The following VPS13B variants were observed in gnomAD, a reference collection of about 807,000 sequenced individuals.
VPS13B encodes intermembrane lipid transfer protein VPS13B.
Under a neutral mutation model 426.4 loss-of-function variants are expected in VPS13B, and 285 were observed. The ratio of observed to expected loss-of-function variants is 0.67; its 90% CI spans 0.61 to 0.74. The LOEUF (loss-of-function observed/expected upper bound fraction) is 0.74, where lower values mean the gene tolerates loss of function less well. VPS13B is among the 30% of genes least tolerant of loss of function. The pLI is 0.00. For synonymous variants in VPS13B, 1,676 were observed against 1,676.4 expected, an observed-to-expected ratio of 1.00 and a Z score of 0.01; for missense variants, 4,537 against 4,782.6, an observed-to-expected ratio of 0.95 and a Z score of 1.51.
chr8:99,797,798 TTTG>T (rs912209578), intron 43 of VPS13B, among the ~76,000 whole-genome samples: 6 of 152,318 alleles, frequency 3.9e-5, no homozygotes, highest in African/African-American at 1.4e-4. Context: ...TATGAAAATT[TTTG>T]TTGTTTATCA....
chr8:99,790,907 G>A (rs1812506728), intron 43 of VPS13B, among the ~76,000 whole-genome samples: 1 of 152,100 alleles, frequency 6.6e-6, no homozygotes, highest in Non-Finnish European at 1.5e-5. Context: ...AGCTGCAAGA[G>A]GGGGAAGTAG....
chr8:99,318,377 T>G, intron 19 of VPS13B, among the ~76,000 whole-genome samples: 1 of 151,882 alleles, frequency 6.6e-6, no homozygotes, highest in African/African-American at 2.4e-5. Context: ...AGCCTCTTTA[T>G]GGTACTTCCA....
chr8:99,121,222 A>T lies in VPS13B; in HGVS notation c.983A>T (p.His328Leu), dbSNP rs181625846. ...ATAGATATGCAATATCCTGCTCAGC[A>T]TAAAGGTCAAGAGTTATATTCACAG... ...TRIDMQYPAQ[H>L]KGQELYSQQD... The change falls in exon 8 of 62, where the codon CAT becomes CTT. Residue 328 changes from histidine (H) to leucine (L), a missense_variant. His to Leu is a moderately conservative substitution (Grantham distance 99). Coordinates refer to ENST00000357162, the MANE Select transcript of VPS13B (RefSeq NM_152564.5). The T allele has an allele frequency of 1.2e-6, 2 of 1,613,962 alleles. 1 individual carries two copies.
intron 19 of VPS13B, among the ~76,000 whole-genome samples, chr8:99,352,850 T>G (rs950918804): frequency 6.6e-6 from 1 of 151,378 alleles, no homozygotes; most frequent in Non-Finnish European, 1.5e-5. Flanking sequence ...AAACAAACAG[T>G]TTTTTTTGGA....
At chr8:99,840,617 C>A (rs992579462) in intron 54 of VPS13B, among the ~76,000 whole-genome samples, 2 of 152,146 alleles carry the variant, frequency 1.3e-5, no homozygotes, top group African/African-American at 4.8e-5. Flanking sequence ...GCCCATGTTT[C>A]TTAAATAAGA....
chr8:99,408,238 C>G (rs966587552), intron 21 of VPS13B, among the ~76,000 whole-genome samples: 7 of 152,030 alleles, frequency 4.6e-5, no homozygotes, highest in Non-Finnish European at 4.4e-5. Flanking sequence ...AATCTTGATG[C>G]TGTATTGAGA....
intron 33 of VPS13B, among the ~76,000 whole-genome samples, chr8:99,590,727 A>C (rs899056576): frequency 2.0e-5 from 3 of 152,084 alleles, no homozygotes; most frequent in Non-Finnish European, 4.4e-5. Flanking sequence ...CTGTTCTTTT[A>C]CATTTGCTGA....
intron 19 of VPS13B, chr8:99,348,028 G>A (rs1811638978): frequency 6.6e-6 from 1 of 152,236 alleles, no homozygotes; most frequent in African/African-American, 2.4e-5. Context: ...TGGCCATACG[G>A]TCCATAGTAT....
intron 23 of VPS13B, among the ~76,000 whole-genome samples, chr8:99,456,768 G>A (rs1026959554): frequency 1.3e-5 from 2 of 152,064 alleles, no homozygotes; most frequent in African/African-American, 4.8e-5. Flanking sequence ...TTCTTGTAGT[G>A]ACTTTGTCTG....
chr8:99,643,927 A>G (rs1271002856), intron 34 of VPS13B, among the ~76,000 whole-genome samples: 1 of 152,224 alleles, frequency 6.6e-6, no homozygotes, highest in South Asian at 2.1e-4. Context: ...ACTCATGCCT[A>G]TATACCTGAT....
At chr8:99,640,019 T>G (rs61134653) in intron 33 of VPS13B, among the ~76,000 whole-genome samples, 24,555 of 77,584 alleles carry the variant, frequency 0.32, 3,351 homozygotes, top group African/African-American at 0.36. Flanking sequence ...ATAATAATAA[T>G]AATAATAAGA....
At chr8:99,487,442 G>A (rs1000708677) in intron 25 of VPS13B, among the ~76,000 whole-genome samples, 1 of 151,094 alleles carries the variant, frequency 6.6e-6, no homozygotes, top group African/African-American at 2.4e-5. Context: ...TTTAAATTGT[G>A]GTAAAAAAAT....
At chr8:99,415,897 G>C (rs1162519585) in intron 21 of VPS13B, among the ~76,000 whole-genome samples, 1 of 152,150 alleles carries the variant, frequency 6.6e-6, no homozygotes, top group African/African-American at 2.4e-5. Flanking sequence ...GGGGGTCGGG[G>C]ACCCACTTGA....
At position 99,731,462 on chromosome 8, in the gene VPS13B, T is replaced by C. The variant is rs538263618; in HGVS notation, c.7050+10415T>C. 2.6e-5 allele frequency among the ~76,000 whole-genome samples: 4 copies of C among 152,328 alleles called. No homozygotes were observed. The East Asian group carries it at 7.7e-4, about 29-fold the overall frequency. On this transcript the variant is annotated intron_variant, in intron 39 of 61. Coordinates refer to ENST00000357162, the MANE Select transcript of VPS13B (RefSeq NM_152564.5). ...TCTCAGTTTGTCGATTTCATAATTC[T>C]TTCATCTTTGTTGTGCTACCTTGAC...
chr8:99,493,800 A>G (rs1044313563), intron 25 of VPS13B, among the ~76,000 whole-genome samples: 1 of 148,594 alleles, frequency 6.7e-6, no homozygotes, highest in Non-Finnish European at 1.5e-5. Context: ...AAAAAAAAAA[A>G]AGAAAAGAAA....
intron 31 of VPS13B, among the ~76,000 whole-genome samples, chr8:99,561,146 C>T (rs1036291922): frequency 1.3e-5 from 2 of 152,088 alleles, no homozygotes; most frequent in Non-Finnish European, 2.9e-5. Flanking sequence ...TTTTCTTCAC[C>T]CCAAAGTAAA....
chr8:99,717,107 G>T, intron 36 of VPS13B, 64 bp from the exon 37 acceptor site: 2 of 1,465,226 alleles, frequency 1.4e-6, no homozygotes, highest in Non-Finnish European at 1.9e-6. Flanking sequence ...AATATAGATA[G>T]TTCTTTCCCA....
intron 17 of VPS13B, chr8:99,241,344 A>T (rs1262691642): frequency 6.6e-6 from 1 of 152,234 alleles, no homozygotes; most frequent in Non-Finnish European, 1.5e-5. Flanking sequence ...TTATGACTAT[A>T]TCATTAGATA....
intron 19 of VPS13B, among the ~76,000 whole-genome samples, chr8:99,336,601 G>T (rs931152811): frequency 3.9e-5 from 6 of 152,072 alleles, no homozygotes; most frequent in Admixed American, 2.6e-4. Context: ...AAAAATTTTC[G>T]CAAGCTACTC....
Sources: allele counts gnomAD v4.1 joint callset (sites outside exome capture counted in the v4.1 genomes callset), GRCh38; gene constraint gnomAD v4.1.1; transcripts MANE v1.5; gene names NCBI Gene and HGNC (gene_info 2026-07-23, HGNC 2026-07-21).